Variants in KCNQ1OT1 observed in about 807,000 individuals in gnomAD.
KCNQ1OT1 encodes KCNQ1 opposite strand/antisense transcript 1, also known as KCNQ1 antisense RNA 2 (non-protein coding).
At chr11:2,610,047 T>A (rs1848953626) in exon 1 of KCNQ1OT1, 1 of 397,808 alleles carries the variant, frequency 2.5e-6, no homozygotes, top group Non-Finnish European at 4.4e-6. Flanking sequence ...TATCCACAGT[T>A]TTACTTTTGG....
In KCNQ1OT1 at chr11:2,657,233, A is replaced by G; in HGVS notation, n.42762T>C. On this transcript the variant is annotated non_coding_transcript_exon_variant, in exon 1 of 1. Coordinates refer to ENST00000597346, the Ensembl canonical transcript of KCNQ1OT1. The surrounding 1 kb of genome is among the most constrained non-coding windows in gnomAD (Gnocchi z 4.8). The stretch of plus-strand genomic sequence containing the variant: ...GCACTTCCAAGTCGCAGTTAGAATC[A>G]GCTTGCCAAAGTTCTCACACAGAAG... 2.5e-6 allele frequency: 1 copy of G among 398,666 alleles called. No individual in the cohort carries two copies. Among genetic ancestry groups the G allele is most frequent in the Non-Finnish European group, 4.4e-6 (1 of 226,072 alleles). 24.7% of individuals were successfully genotyped at this position (398,666 alleles called of 1,614,324 possible).
rs1438789061 is a variant in KCNQ1OT1, at chr11:2,626,780, A to G, written n.73215T>C. The G allele has an allele frequency of 1.8e-5, 7 of 398,456 alleles. No individual in the cohort carries two copies. Among genetic ancestry groups the G allele is most frequent in the Non-Finnish European group, 3.1e-5 (7 of 226,068 alleles). 24.7% of individuals were successfully genotyped at this position (398,456 alleles called of 1,614,324 possible). A position where few individuals can be genotyped will look rare whatever the true frequency, so the allele number is the denominator to read the frequency against. On this transcript the variant is annotated non_coding_transcript_exon_variant, in exon 1 of 1. Coordinates refer to ENST00000597346, the Ensembl canonical transcript of KCNQ1OT1. This position sits in a 1 kb window ranked among gnomAD's most constrained non-coding sequence, Gnocchi z 4.0. ...CTGGACTCAGAAGTCCTCCCACCTC[A>G]GCCTTCAAAAGTGCTGAGATTACAG...
In KCNQ1OT1 at chr11:2,647,798, C is replaced by G. The variant is rs1010753220; in HGVS notation, n.52197G>C. Reference sequence around the variant, plus strand: ...TTGACATATAGTTGTTCATAATGGTCTCTAATAATCTTTTGTATTTCTGTG... The same window carrying G: ...TTGACATATAGTTGTTCATAATGGTGTCTAATAATCTTTTGTATTTCTGTG... On this transcript the variant is annotated non_coding_transcript_exon_variant, in exon 1 of 1. Transcript: ENST00000597346. The surrounding 1 kb of genome is among the most constrained non-coding windows in gnomAD (Gnocchi z 4.0). The G allele has an allele frequency of 4.3e-5, 17 of 398,218 alleles. No homozygotes were observed. Among genetic ancestry groups the G allele is most frequent in the African/African-American group, 2.7e-4 (13 of 48,552 alleles). The allele number at this position is 398,218 out of a possible 1,614,324, so 24.7% of individuals were successfully genotyped here. A position where few individuals can be genotyped will look rare whatever the true frequency, so the allele number is the denominator to read the frequency against.
chr11:2,686,342 G>C lies in KCNQ1OT1; in HGVS notation n.13653C>G, dbSNP rs576028523. 1,125 of 398,712 alleles carry C rather than the reference G, an allele frequency of 2.8e-3. 4 individuals are homozygous for C. The highest frequency in any genetic ancestry group is 3.8e-3 in the Non-Finnish European group (863 of 226,140). 24.7% of individuals were successfully genotyped at this position (398,712 alleles called of 1,614,324 possible). ...TGGCCCGTCCCACCTGTTCCAAGCT[G>C]GGGGAGGAGTATGCTCACTTGGGCT... On this transcript the variant is annotated non_coding_transcript_exon_variant, in exon 1 of 1. Transcript: ENST00000597346.
At chr11:2,667,497 CCA>C (rs1049727422) in exon 1 of KCNQ1OT1, 1 of 398,360 alleles carries the variant, frequency 2.5e-6, no homozygotes, top group African/African-American at 2.1e-5. Flanking sequence ...AACATTCACG[CCA>C]CAGAGGTGGC....
rs1292455445 is a variant in KCNQ1OT1, at chr11:2,617,460, C to CACGT, written n.82534_82535insACGT. ...GTAGACATACACACCACAGTTTAGTCATCCATCAATGGACACGTAAGTTTT... is the reference window on the plus strand; with the variant it reads ...GTAGACATACACACCACAGTTTAGTCACGTATCCATCAATGGACACGTAAGTTTT... On this transcript the variant is annotated non_coding_transcript_exon_variant, in exon 1 of 1. Coordinates refer to ENST00000597346, the Ensembl canonical transcript of KCNQ1OT1. This position sits in a 1 kb window ranked among gnomAD's most constrained non-coding sequence, Gnocchi z 4.6. The CACGT allele has an allele frequency of 2.5e-6, 1 of 398,306 alleles. No individual in the cohort carries two copies. Among genetic ancestry groups the CACGT allele is most frequent in the East Asian group, 3.6e-5 (1 of 28,078 alleles). The allele number at this position is 398,306 out of a possible 1,614,324, so 24.7% of individuals were successfully genotyped here. A position where few individuals can be genotyped will look rare whatever the true frequency, so the allele number is the denominator to read the frequency against.
Position 2,682,707 on chromosome 11 carries a change from A to G in KCNQ1OT1, n.17288T>C. Reference sequence around the variant, plus strand: ...GCTGGGGTCCAAAGTTGACCAGAATATCTCTAGTCATAAAGAATCTCTTCC... The same window carrying G: ...GCTGGGGTCCAAAGTTGACCAGAATGTCTCTAGTCATAAAGAATCTCTTCC... On this transcript the variant is annotated non_coding_transcript_exon_variant, in exon 1 of 1. Transcript: ENST00000597346. This position sits in a 1 kb window ranked among gnomAD's most constrained non-coding sequence, Gnocchi z 5.8. 2.5e-6 allele frequency: 1 copy of G among 398,568 alleles called. No homozygotes were observed. 24.7% of individuals were successfully genotyped at this position (398,568 alleles called of 1,614,324 possible). A position where few individuals can be genotyped will look rare whatever the true frequency, so the allele number is the denominator to read the frequency against.
rs1007472713 is a variant in KCNQ1OT1 at position 2,657,288 on chromosome 11, A to T, written n.42707T>A. On this transcript the variant is annotated non_coding_transcript_exon_variant, in exon 1 of 1. Transcript: ENST00000597346. This position sits in a 1 kb window ranked among gnomAD's most constrained non-coding sequence, Gnocchi z 4.8. ...GAGATTTTTATTAAGATTTGGAGAGATTTATTCAGATTTTGAGATAATCTT... is the reference window on the plus strand; with the variant it reads ...GAGATTTTTATTAAGATTTGGAGAGTTTTATTCAGATTTTGAGATAATCTT... The T allele has an allele frequency of 2.5e-6, 1 of 398,446 alleles. No individual in the cohort carries two copies. Among genetic ancestry groups the T allele is most frequent in the Non-Finnish European group, 4.4e-6 (1 of 226,064 alleles). 24.7% of individuals were successfully genotyped at this position (398,446 alleles called of 1,614,324 possible). A position where few individuals can be genotyped will look rare whatever the true frequency, so the allele number is the denominator to read the frequency against.
Position 2,677,186 on chromosome 11 carries a change from T to A in KCNQ1OT1, n.22809A>T. ...TCCATCTTATCCCTACTTGTATCTC[T>A]GCTGACTGACCTCTTTGGCTGTCTC... On this transcript the variant is annotated non_coding_transcript_exon_variant, in exon 1 of 1. Coordinates refer to ENST00000597346, the Ensembl canonical transcript of KCNQ1OT1. The surrounding 1 kb of genome is among the most constrained non-coding windows in gnomAD (Gnocchi z 4.5). The A allele has an allele frequency of 2.5e-6, 1 of 398,630 alleles. No individual in the cohort carries two copies. 24.7% of individuals were successfully genotyped at this position (398,630 alleles called of 1,614,324 possible).
Position 2,626,148 on chromosome 11 carries a change from G to A in KCNQ1OT1, n.73847C>T. On this transcript the variant is annotated non_coding_transcript_exon_variant, in exon 1 of 1. Coordinates refer to ENST00000597346, the Ensembl canonical transcript of KCNQ1OT1. The surrounding 1 kb of genome is among the most constrained non-coding windows in gnomAD (Gnocchi z 4.0). ...GCATACAAGAAGCACTGCCAATGAT[G>A]TAAAGTTTTTCCCCTATGTTTCCTT... is the stretch of plus-strand genomic sequence containing the variant. The A allele has an allele frequency of 2.5e-6, 1 of 397,726 alleles. No homozygotes were observed. Among genetic ancestry groups the A allele is most frequent in the African/African-American group, 2.1e-5 (1 of 47,944 alleles). 24.6% of individuals were successfully genotyped at this position (397,726 alleles called of 1,614,324 possible).
At position 2,673,092 on chromosome 11, in the gene KCNQ1OT1, G is replaced by A. The variant is rs990627840; in HGVS notation, n.26903C>T. 5.5e-5 allele frequency: 22 copies of A among 398,852 alleles called. No homozygotes were observed. The highest frequency in any genetic ancestry group is 8.0e-5 in the Non-Finnish European group (18 of 226,246). 24.7% of individuals were successfully genotyped at this position (398,852 alleles called of 1,614,324 possible). Reference sequence around the variant, plus strand: ...TTCTCAGGCCACAGTAGGCCTTCACGGTACTCAGCAGGAGACCCCAGCAGG... The same window carrying A: ...TTCTCAGGCCACAGTAGGCCTTCACAGTACTCAGCAGGAGACCCCAGCAGG... On this transcript the variant is annotated non_coding_transcript_exon_variant, in exon 1 of 1. Transcript: ENST00000597346. The surrounding 1 kb of genome is among the most constrained non-coding windows in gnomAD (Gnocchi z 4.5).
At chr11:2,672,375 ATG>A (rs1850201296) in exon 1 of KCNQ1OT1, 3 of 346,562 alleles carry the variant, frequency 8.7e-6, no homozygotes, top group African/African-American at 7.4e-5. Flanking sequence ...ACAGGCTGAT[ATG>A]ATTGAGCTCA....
chr11:2,667,454 C>G (rs933120199), exon 1 of KCNQ1OT1: 3 of 398,668 alleles, frequency 7.5e-6, no homozygotes, highest in Admixed American at 8.8e-5. Context: ...GGTCCTCAGC[C>G]AAGCAGATGG....
Position 2,670,389 on chromosome 11 carries a change from C to A in KCNQ1OT1, n.29606G>T, listed in dbSNP as rs1850161754. ...AGGCTGAAATTCCAAGAGCATTAAC[C>A]AGACACCTACTATGTGTATTTCTTG... On this transcript the variant is annotated non_coding_transcript_exon_variant, in exon 1 of 1. Transcript: ENST00000597346. This position sits in a 1 kb window ranked among gnomAD's most constrained non-coding sequence, Gnocchi z 4.9. 2.5e-6 allele frequency: 1 copy of A among 398,312 alleles called. No individual in the cohort carries two copies. Among genetic ancestry groups the A allele is most frequent in the African/African-American group, 2.1e-5 (1 of 48,622 alleles). The allele number at this position is 398,312 out of a possible 1,614,324, so 24.7% of individuals were successfully genotyped here. A position where few individuals can be genotyped will look rare whatever the true frequency, so the allele number is the denominator to read the frequency against.
rs1590019898 is a variant in KCNQ1OT1 at position 2,668,314 on chromosome 11, T to C, written n.31681A>G. On this transcript the variant is annotated non_coding_transcript_exon_variant, in exon 1 of 1. Coordinates refer to ENST00000597346, the Ensembl canonical transcript of KCNQ1OT1. This position sits in a 1 kb window ranked among gnomAD's most constrained non-coding sequence, Gnocchi z 4.3. ...AGCATCAGGTTGCGTTTCTGGGGAA[T>C]ATATGCCTATGTGTGGAGCTGCAGG... The C allele has an allele frequency of 2.5e-6, 1 of 398,650 alleles. No individual in the cohort carries two copies. Among genetic ancestry groups the C allele is most frequent in the South Asian group, 1.3e-4 (1 of 7,860 alleles). 24.7% of individuals were successfully genotyped at this position (398,650 alleles called of 1,614,324 possible).
exon 1 of KCNQ1OT1, chr11:2,685,970 G>A (rs970195733): frequency 6.0e-5 from 24 of 398,746 alleles, no homozygotes; most frequent in African/African-American, 4.7e-4. Flanking sequence ...GATGAGGCCT[G>A]TACACTCTGG....
Position 2,661,555 on chromosome 11 carries a change from TGA to T in KCNQ1OT1, n.38438_38439del. On this transcript the variant is annotated non_coding_transcript_exon_variant, in exon 1 of 1. Transcript: ENST00000597346. The surrounding 1 kb of genome is among the most constrained non-coding windows in gnomAD (Gnocchi z 5.9). ...CCTGACCCACTACTCTGTCAATGTA[TGA>T]GTGTGACAATGTATGGTGGTGGGAG... 1 of 534,676 alleles carries T rather than the reference TGA, an allele frequency of 1.9e-6. No homozygotes were observed. The highest frequency in any genetic ancestry group is 3.3e-6 in the Non-Finnish European group (1 of 301,978). The allele number at this position is 534,676 out of a possible 1,614,324, so 33.1% of individuals were successfully genotyped here. A position where few individuals can be genotyped will look rare whatever the true frequency, so the allele number is the denominator to read the frequency against.
chr11:2,652,010 G>T lies in KCNQ1OT1; in HGVS notation n.47985C>A. Reference sequence around the variant, plus strand: ...TGACATCAGTTGTTAACATAATTTTGATGTTGAGCCTCCCCCCAGTTCTGG... The same window carrying T: ...TGACATCAGTTGTTAACATAATTTTTATGTTGAGCCTCCCCCCAGTTCTGG... On this transcript the variant is annotated non_coding_transcript_exon_variant, in exon 1 of 1. Coordinates refer to ENST00000597346, the Ensembl canonical transcript of KCNQ1OT1. The surrounding 1 kb of genome is among the most constrained non-coding windows in gnomAD (Gnocchi z 5.9). 1 of 398,642 alleles carries T rather than the reference G, an allele frequency of 2.5e-6. No homozygotes were observed. The allele number at this position is 398,642 out of a possible 1,614,324, so 24.7% of individuals were successfully genotyped here. A position where few individuals can be genotyped will look rare whatever the true frequency, so the allele number is the denominator to read the frequency against.
exon 1 of KCNQ1OT1, chr11:2,638,695 G>C (rs983145496): frequency 6.6e-6 from 1 of 152,168 alleles, no homozygotes. Flanking sequence ...GGCATTCTCT[G>C]TATTTCCTGA....
Sources: gnomAD v4.1 joint callset for allele counts on GRCh38, gnomAD v4.1.1 for gene constraint, Gnocchi (gnomAD v3.1) non-coding constraint, MANE v1.5 for transcripts, NCBI Gene and HGNC (gene_info 2026-07-23, HGNC 2026-07-21) for gene names.